ATP2B2: variants seen among roughly 807,000 people sequenced by gnomAD.
ATP2B2 encodes ATPase plasma membrane Ca2+ transporting 2.
A neutral mutation model predicts 120.0 loss-of-function variants in ATP2B2; 15 were observed. The ratio of observed to expected loss-of-function variants is 0.12; its 90% confidence interval spans 0.08 to 0.19. ATP2B2 has a LOEUF of 0.19. Ranked by LOEUF, ATP2B2 falls within the 10% of genes least tolerant of loss-of-function variation. ATP2B2 has a pLI of 1.00. For missense variants in ATP2B2, 1,045 were observed against 1,719.8 expected (o/e 0.61, Z 6.94); for synonymous variants, 694 against 700.3 (o/e 0.99, Z 0.14).
At chr3:10,651,804 A>T (rs2070475139) in intron 1 of ATP2B2, among the ~76,000 whole-genome samples, 2 of 150,690 alleles carry the variant, frequency 1.3e-5, no homozygotes, top group African/African-American at 2.4e-5. Flanking sequence ...TGAAGGTGGT[A>T]GTAGATTTAG....
rs964795731 is a variant in ATP2B2 at position 10,345,465 on chromosome 3, G to A, written c.2622C>T (p.Ser874=). 1.2e-6 allele frequency: 2 copies of A among 1,614,230 alleles called. No individual in the cohort carries two copies. Among genetic ancestry groups the A allele is most frequent in the Non-Finnish European group, 1.7e-6 (2 of 1,180,032 alleles). ...AVMWGRNVYD[S]ISKFLQFQLT... is the part of the protein sequence containing the mutation. ...GCTGGAACTGCAAGAATTTGGAGAT[G>A]CTGTCATAGACGTTGCGGCCCCACA... The change falls in exon 18 of 23, where the codon AGC becomes AGT. Residue 874 remains serine, a synonymous_variant. Transcript: ENST00000360273.
In ATP2B2 at chr3:10,340,777, G is replaced by C; in HGVS notation, c.2918-73C>G. 2 of 1,466,926 alleles carry C rather than the reference G, an allele frequency of 1.4e-6. No individual in the cohort carries two copies. Among genetic ancestry groups the C allele is most frequent in the South Asian group, 1.1e-5 (1 of 87,366 alleles). The allele number at this position is 1,466,926 out of a possible 1,614,324, so 90.9% of individuals were successfully genotyped here. A position where few individuals can be genotyped will look rare whatever the true frequency, so the allele number is the denominator to read the frequency against. On this transcript the variant is annotated intron_variant, in intron 19 of 22. Coordinates refer to ENST00000360273, the MANE Select transcript of ATP2B2 (RefSeq NM_001001331.4). This position sits in a 1 kb window ranked among gnomAD's most constrained non-coding sequence, Gnocchi z 5.0. ...TCAGAGGGGAGATGCCTGGCCTTTC[G>C]TGGGGGCCTCTTCTGAGCAGTGACG...
Position 10,343,049 on chromosome 3 carries a change from CA to C in ATP2B2, c.2704-85del. The C allele has an allele frequency of 6.9e-7, 1 of 1,444,460 alleles. No individual in the cohort carries two copies. The highest frequency in any genetic ancestry group is 9.6e-7 in the Non-Finnish European group (1 of 1,038,868). The allele number at this position is 1,444,460 out of a possible 1,614,324, so 89.5% of individuals were successfully genotyped here. A position where few individuals can be genotyped will look rare whatever the true frequency, so the allele number is the denominator to read the frequency against. ...GGGCGGGCTCATGGTGTAGTGTCCG[CA>C]GGCTCCTGCTGGAGGCTGGAGTCCG... is the stretch of plus-strand genomic sequence containing the variant. On this transcript the variant is annotated intron_variant, in intron 18 of 22. Transcript: ENST00000360273. This position sits in a 1 kb window ranked among gnomAD's most constrained non-coding sequence, Gnocchi z 4.2.
chr3:10,646,868 A>T (rs1303842610), intron 1 of ATP2B2, among the ~76,000 whole-genome samples: 1 of 151,966 alleles, frequency 6.6e-6, no homozygotes, highest in East Asian at 1.9e-4. Context: ...TACTCCCACA[A>T]CTCCCATCGG....
Position 10,606,961 on chromosome 3 carries a change from G to A in ATP2B2, c.-415+12956C>T, listed in dbSNP as rs1349653475. Among the ~76,000 whole-genome samples, 20 of 91,368 alleles carry A rather than the reference G, an allele frequency of 2.2e-4. 2 individuals carry two copies. Among genetic ancestry groups the A allele is most frequent in the African/African-American group, 3.9e-4 (9 of 23,260 alleles). 59.9% of individuals were successfully genotyped at this position (91,368 alleles called of 152,430 possible). The stretch of plus-strand genomic sequence containing the variant: ...GAGGGAGAGGGAGAGGGGGAGGGGG[G>A]GAGAGAGAGAGAGAGAGAAAGAAAG... On this transcript the variant is annotated intron_variant, in intron 2 of 21. Coordinates refer to the ATP2B2 transcript ENST00000646379.
chr3:10,487,049 A>G (rs547303913), intron 1 of ATP2B2, among the ~76,000 whole-genome samples: 93 of 152,294 alleles, frequency 6.1e-4, no homozygotes, highest in African/African-American at 2.2e-3. Flanking sequence ...TATTAATCTT[A>G]GTTATTAATG....
In ATP2B2 at chr3:10,481,363, T is replaced by C. The variant is rs1208786636; in HGVS notation, c.-320+24102A>G. ...CCAGCATACTCCACCTCAGGGCTTC[T>C]GCCTGCCCTGTTTCCTCTGCATGGA... On this transcript the variant is annotated intron_variant, in intron 1 of 22. Transcript: ENST00000360273. Among the ~76,000 whole-genome samples, 6 of 151,800 alleles carry C rather than the reference T, an allele frequency of 4.0e-5. No individual in the cohort carries two copies. In the East Asian group the frequency reaches 9.7e-4, roughly 25 times the overall value.
At chr3:10,416,802 C>T (rs1040534152) in intron 2 of ATP2B2, among the ~76,000 whole-genome samples, 2 of 150,854 alleles carry the variant, frequency 1.3e-5, no homozygotes, top group African/African-American at 2.4e-5. Context: ...ACTTTAATGT[C>T]GAAAATGCAA....
At chr3:10,577,368 G>A (rs2068277442) in intron 2 of ATP2B2, among the ~76,000 whole-genome samples, 2 of 152,210 alleles carry the variant, frequency 1.3e-5, no homozygotes, top group Admixed American at 1.3e-4. Context: ...AGTGGCAAGA[G>A]TTCAGAGATA....
chr3:10,520,770 TC>T (rs1234174961), intron 3 of ATP2B2, among the ~76,000 whole-genome samples: 7 of 151,040 alleles, frequency 4.6e-5, no homozygotes, highest in South Asian at 2.1e-4. Context: ...TTTTTTTTTT[TC>T]TTTTTTTTCT....
chr3:10,513,953 C>T (rs923172093), intron 3 of ATP2B2, among the ~76,000 whole-genome samples: 14 of 152,132 alleles, frequency 9.2e-5, no homozygotes, highest in Admixed American at 5.9e-4. Flanking sequence ...AGAGGGGACA[C>T]GCCCGCAAAT....
At chr3:10,677,410 G>C (rs1292210436) in intron 1 of ATP2B2, among the ~76,000 whole-genome samples, 1 of 152,176 alleles carries the variant, frequency 6.6e-6, no homozygotes, top group Non-Finnish European at 1.5e-5. Context: ...TGGGGGAAGG[G>C]AGGGATGGAT....
intron 3 of ATP2B2, among the ~76,000 whole-genome samples, chr3:10,520,219 C>T (rs937641900): frequency 1.1e-4 from 17 of 152,226 alleles, no homozygotes; most frequent in Non-Finnish European, 5.9e-5. Flanking sequence ...ATTAGCTTTT[C>T]CTTACAATGA....
In ATP2B2 at chr3:10,700,710, C is replaced by T. The variant is rs185032736; in HGVS notation, c.-460+7205G>A. On this transcript the variant is annotated intron_variant, in intron 1 of 21. Transcript: ENST00000646379. Reference sequence around the variant, plus strand: ...ATCTGTTAGAATGGACTGAGTTATGCTCAGTAACAAACATGACCAGTGTGC... The same window carrying T: ...ATCTGTTAGAATGGACTGAGTTATGTTCAGTAACAAACATGACCAGTGTGC... Among the ~76,000 whole-genome samples, 220 of 152,338 alleles carry T rather than the reference C, an allele frequency of 1.4e-3. 3 individuals carry two copies. Among genetic ancestry groups the T allele is most frequent in the Admixed American group, 9.5e-3 (146 of 15,302 alleles).
intron 1 of ATP2B2, among the ~76,000 whole-genome samples, chr3:10,671,274 C>CGGAGA (rs1333288821): frequency 4.6e-5 from 7 of 152,258 alleles, no homozygotes; most frequent in African/African-American, 1.7e-4. Flanking sequence ...ACCAGGAGTC[C>CGGAGA]GGAGAACTGG....
intron 1 of ATP2B2, among the ~76,000 whole-genome samples, chr3:10,694,242 T>TA (rs1178869887): frequency 6.6e-6 from 1 of 152,214 alleles, no homozygotes; most frequent in East Asian, 1.9e-4. Context: ...TACCTTTGCA[T>TA]AACCACCACC....
chr3:10,390,083 G>C (rs973546350), intron 5 of ATP2B2, among the ~76,000 whole-genome samples: 4 of 152,112 alleles, frequency 2.6e-5, no homozygotes, highest in East Asian at 1.9e-4. Context: ...TTCTCAGATG[G>C]GGGAGTAAGA....
rs142884634 is a variant in ATP2B2 at position 10,544,931 on chromosome 3, G to A, written c.-414-10798C>T. Among the ~76,000 whole-genome samples, 22 of 152,326 alleles carry A rather than the reference G, an allele frequency of 1.4e-4. No homozygotes were observed. The East Asian group carries it at 4.2e-3, about 29-fold the overall frequency. Reference sequence around the variant, plus strand: ...ACTAGGAAAATGGCACCATGGCTGAGAATGTCTCCAGCAGTATTGTTTGAA... The same window carrying A: ...ACTAGGAAAATGGCACCATGGCTGAAAATGTCTCCAGCAGTATTGTTTGAA... On this transcript the variant is annotated intron_variant, in intron 2 of 21. Coordinates refer to the ATP2B2 transcript ENST00000646379.
intron 2 of ATP2B2, among the ~76,000 whole-genome samples, chr3:10,546,999 C>A (rs2067561454): frequency 6.6e-6 from 1 of 152,196 alleles, no homozygotes; most frequent in African/African-American, 2.4e-5. Context: ...TGCCACACAC[C>A]AACTCAGAGG....
Sources: allele counts gnomAD v4.1 joint callset (sites outside exome capture counted in the v4.1 genomes callset), GRCh38; gene constraint gnomAD v4.1.1; non-coding constraint Gnocchi (gnomAD v3.1); transcripts MANE v1.5; gene names NCBI Gene and HGNC (gene_info 2026-07-23, HGNC 2026-07-21).